The following TJAP1 variants were observed in gnomAD, a reference collection of about 807,000 sequenced individuals.
TJAP1 encodes tight junction-associated protein 1.
TJAP1 carries 27 observed loss-of-function variants against 42.0 expected under a neutral mutation model. That is an observed-to-expected ratio of 0.64 (90% CI 0.47 to 0.89). TJAP1 has a LOEUF of 0.89. TJAP1 is among the 40% of genes least tolerant of loss of function. The pLI is 0.00. For synonymous variants in TJAP1, 257 were observed against 288.4 expected (o/e 0.89, Z 1.10); for missense variants, 712 against 726.9 (o/e 0.98, Z 0.24).
rs1419078417 is a variant in TJAP1 at position 43,502,074 on chromosome 6, A to ACTCTCT, written c.291-208_291-207insTCTCTC. Among the ~76,000 whole-genome samples, 176 of 94,742 alleles carry ACTCTCT rather than the reference A, an allele frequency of 1.9e-3. 9 individuals are homozygous for ACTCTCT. Among genetic ancestry groups the ACTCTCT allele is most frequent in the Non-Finnish European group, 2.1e-3 (101 of 48,404 alleles). The allele number at this position is 94,742 out of a possible 152,430, so 62.2% of individuals were successfully genotyped here. On this transcript the variant is annotated intron_variant, in intron 6 of 10. Coordinates refer to ENST00000372449, the Ensembl canonical transcript of TJAP1. Reference sequence around the variant, plus strand: ...CACACACACACACACACACACACACACACTCTCTCTCTCTCTCTCTCTCTC... The same window carrying ACTCTCT: ...CACACACACACACACACACACACACACTCTCTCACTCTCTCTCTCTCTCTCTCTCTC...
Position 43,499,065 on chromosome 6 carries a change from C to CAAA in TJAP1, c.64_65insAAA (p.Arg22delinsGlnSer). On this transcript the variant is annotated protein_altering_variant, in exon 4 of 11. Transcript: ENST00000372449. Reference sequence around the variant, plus strand: ...GGCACCACCAGAGCATCGGGAGCTGCGTTTGGAAATTCCTGGATCCCGGCT... The same window carrying CAAA: ...GGCACCACCAGAGCATCGGGAGCTGCAAAGTTTGGAAATTCCTGGATCCCGGCT... The CAAA allele has an allele frequency of 1.9e-6, 3 of 1,614,046 alleles. No individual in the cohort carries two copies. In the South Asian group the frequency reaches 3.3e-5, roughly 18 times the overall value.
At chr6:43,499,294 G>A (rs905291552) in intron 4 of TJAP1, among the ~76,000 whole-genome samples, 194 bp downstream of exon 4, 6 of 152,248 alleles carry the variant, frequency 3.9e-5, no homozygotes, top group Non-Finnish European at 8.8e-5. Flanking sequence ...CTGTCTGTGA[G>A]TATATGTCCA....
intron 9 of TJAP1, 24 bp downstream of exon 9, chr6:43,503,532 C>T: frequency 1.9e-6 from 3 of 1,610,670 alleles, no homozygotes; most frequent in Non-Finnish European, 2.5e-6. Flanking sequence ...ACTACTCGGG[C>T]CTTCCTCACC....
intron 10 of TJAP1, chr6:43,504,496 A>G (rs1297817231): frequency 3.8e-6 from 2 of 523,964 alleles, no homozygotes; most frequent in Non-Finnish European, 3.4e-6. Context: ...GCTGGGAGAT[A>G]GAAGTTTGAG....
chr6:43,501,752 A>ACT (rs1443352766), intron 6 of TJAP1, 65 bp downstream of exon 6: 5 of 596,732 alleles, frequency 8.4e-6, no homozygotes, highest in African/African-American at 4.9e-5. Context: ...ACACACACAC[A>ACT]CACACACTCT....
chr6:43,483,275 A>G (rs772493692), intron 2 of TJAP1, among the ~76,000 whole-genome samples: 7 of 152,096 alleles, frequency 4.6e-5, no homozygotes, highest in Non-Finnish European at 1.0e-4. Context: ...ATTCCACCTC[A>G]TCTGTCCTGT....
intron 4 of TJAP1, 196 bp from the exon 5 acceptor site, chr6:43,500,548 T>C (rs2127601240): frequency 1.7e-6 from 1 of 592,832 alleles, no homozygotes; most frequent in East Asian, 2.8e-5. Context: ...AATCTTCTGG[T>C]TGGCATGGGA....
intron 2 of TJAP1, chr6:43,497,166 G>C (rs577167935): frequency 2.0e-5 from 3 of 152,202 alleles, no homozygotes; most frequent in Non-Finnish European, 4.4e-5. Flanking sequence ...AGCATCCCCG[G>C]CTTCTACCCA....
chr6:43,502,771 C>T (rs1274954950), intron 8 of TJAP1, 154 bp downstream of exon 8: 2 of 864,716 alleles, frequency 2.3e-6, no homozygotes, highest in East Asian at 2.6e-5. Flanking sequence ...CAATGCCTCC[C>T]TCCCAGGAGA....
At chr6:43,488,427 T>G (rs1284480022) in intron 2 of TJAP1, among the ~76,000 whole-genome samples, 1 of 152,188 alleles carries the variant, frequency 6.6e-6, no homozygotes, top group Non-Finnish European at 1.5e-5. Flanking sequence ...AGGGACATTT[T>G]TTTATTCTGA....
At chr6:43,503,271 T>C in intron 8 of TJAP1, 130 bp from the exon 9 acceptor site, 1 of 670,768 alleles carries the variant, frequency 1.5e-6, no homozygotes. Context: ...GTCCGTCATT[T>C]GTCTCTGCTC....
At position 43,505,310 on chromosome 6, in the gene TJAP1, A is replaced by C; in HGVS notation, c.1129A>C (p.Ser377Arg). Residue 377 changes from serine to arginine, a missense_variant, in exon 11 of 11, where the codon AGC becomes CGC. By Grantham distance (110) the Ser-to-Arg change is moderately radical. Around this residue, in one of 3 missense-constraint regions of TJAP1, gnomAD observed 549 missense variants for 528.2 expected, o/e 1.04. Coordinates refer to ENST00000372449, the Ensembl canonical transcript of TJAP1. The surrounding 1 kb of genome is among the most constrained non-coding windows in gnomAD (Gnocchi z 5.5). ...GCGGGCCCGCCCCAGCCCAGTGCCC[A>C]GCACCCCTGCCTCAGCCCAGGCCTC... 6.2e-7 allele frequency: 1 copy of C among 1,610,282 alleles called. No individual in the cohort carries two copies.
chr6:43,488,381 A>G (rs1001811449), intron 2 of TJAP1, among the ~76,000 whole-genome samples: 4 of 152,094 alleles, frequency 2.6e-5, no homozygotes, highest in Admixed American at 6.5e-5. Context: ...GTTTTACTAG[A>G]GGGTCTTGCC....
chr6:43,501,604 G>C lies in TJAP1; in HGVS notation c.207G>C (p.Glu69Asp), dbSNP rs748305292. The change falls in exon 6 of 11, where the codon GAG becomes GAC. Residue 69 changes from glutamate (E) to aspartate (D), a missense_variant. Glu to Asp is a conservative substitution (Grantham distance 45). This residue lies in a region of TJAP1 where 158 missense variants were observed against 182.1 expected (regional missense o/e 0.87). Transcript: ENST00000372449. ...GACGCACTGAGGCCCTGGAACGTGAGCTGGAAATTGGGCAGGACTGCCTGG... is the reference window on the plus strand; with the variant it reads ...GACGCACTGAGGCCCTGGAACGTGACCTGGAAATTGGGCAGGACTGCCTGG... 19 of 1,613,856 alleles carry C rather than the reference G, an allele frequency of 1.2e-5. 1 individual carries two copies. Among genetic ancestry groups the C allele is most frequent in the Middle Eastern group, 1.7e-4 (1 of 6,046 alleles).
Position 43,495,683 on chromosome 6 carries a change from T to C in TJAP1, c.-121-2198T>C, listed in dbSNP as rs1397926085. Among the ~76,000 whole-genome samples the C allele has an allele frequency of 6.6e-6, 1 of 152,154 alleles. No individual in the cohort carries two copies. The highest frequency in any genetic ancestry group is 1.9e-4 in the East Asian group (1 of 5,194). On this transcript the variant is annotated intron_variant, in intron 2 of 10. Coordinates refer to ENST00000372449, the Ensembl canonical transcript of TJAP1. The surrounding 1 kb of genome is among the most constrained non-coding windows in gnomAD (Gnocchi z 4.6). Reference sequence around the variant, plus strand: ...CAACCACCCCCATCCCCAGAGAGTCTGTCTGCATTTACTGCCTGTCCCACT... The same window carrying C: ...CAACCACCCCCATCCCCAGAGAGTCCGTCTGCATTTACTGCCTGTCCCACT...
At chr6:43,493,838 C>T (rs759177739) in intron 2 of TJAP1, among the ~76,000 whole-genome samples, 13 of 152,076 alleles carry the variant, frequency 8.5e-5, no homozygotes, top group East Asian at 1.9e-4. Flanking sequence ...TCTTCCACCA[C>T]GGTGGAAGCC....
At chr6:43,499,172 T>C in intron 4 of TJAP1, 72 bp downstream of exon 4, 1 of 1,584,214 alleles carries the variant, frequency 6.3e-7, no homozygotes, top group Non-Finnish European at 8.6e-7. Context: ...GGCTGACTTC[T>C]CCTGCCTGAG....
chr6:43,496,104 G>C (rs1254853959), intron 2 of TJAP1, among the ~76,000 whole-genome samples: 1 of 152,056 alleles, frequency 6.6e-6, no homozygotes, highest in East Asian at 1.9e-4. Flanking sequence ...GAAGGGAGCT[G>C]GGACCTGGAC....
chr6:43,498,805 A>T lies in TJAP1; in HGVS notation c.-24-173A>T, dbSNP rs1027868920. On this transcript the variant is annotated intron_variant, in intron 3 of 10. Coordinates refer to ENST00000372449, the Ensembl canonical transcript of TJAP1. ...CCACCCTCCAGCACTCCTTTGACCT[A>T]TGGGGACTGACACACCTAAGTCCTG... 11 of 577,850 alleles carry T rather than the reference A, an allele frequency of 1.9e-5. No homozygotes were observed. In the Admixed American group the frequency reaches 3.0e-4, roughly 16 times the overall value. 35.8% of individuals were successfully genotyped at this position (577,850 alleles called of 1,614,324 possible). A position where few individuals can be genotyped will look rare whatever the true frequency, so the allele number is the denominator to read the frequency against.
Sources: allele counts gnomAD v4.1 joint callset (sites outside exome capture counted in the v4.1 genomes callset), GRCh38; gene constraint gnomAD v4.1.1; regional missense constraint gnomAD v4.1.1; non-coding constraint Gnocchi (gnomAD v3.1); transcripts MANE v1.5; gene names NCBI Gene and HGNC (gene_info 2026-07-23, HGNC 2026-07-21).